Variants in TECRL observed in about 807,000 individuals in gnomAD.
TECRL encodes the protein trans-2,3-enoyl-CoA reductase like.
A neutral mutation model predicts 52.8 loss-of-function variants in TECRL; 63 were observed. That is an observed-to-expected ratio of 1.19 (90% CI 0.97 to 1.47). TECRL has a LOEUF of 1.47. TECRL is among the 40% of genes most tolerant of loss of function. The pLI is 0.00. For missense variants in TECRL, 482 were observed against 429.6 expected, an observed-to-expected ratio of 1.12 and a Z score of -1.08; for synonymous variants, 164 against 141.9, an observed-to-expected ratio of 1.16 and a Z score of -1.10.
At chr4:64,382,808 T>G (rs1195149509) in intron 1 of TECRL, among the ~76,000 whole-genome samples, 1 of 152,126 alleles carries the variant, frequency 6.6e-6, no homozygotes, top group Non-Finnish European at 1.5e-5. Context: ...TTACTATCAT[T>G]GCAGTTTGGT....
chr4:64,322,552 T>A (rs1356308928), intron 4 of TECRL, 137 bp downstream of exon 4: 1 of 478,130 alleles, frequency 2.1e-6, no homozygotes, highest in Non-Finnish European at 3.4e-6. Flanking sequence ...CCACTCGTCA[T>A]AGTAAGAATA....
chr4:64,345,907 CAAAAAAAAA>C (rs777171822), intron 2 of TECRL, among the ~76,000 whole-genome samples: 617 of 23,364 alleles, frequency 0.026, 67 homozygotes, highest in African/African-American at 0.1. Context: ...GCCTCAACAG[CAAAAAAAAA>C]AAAAAAAAAA....
At chr4:64,368,249 G>A (rs1226879976) in intron 2 of TECRL, among the ~76,000 whole-genome samples, 1 of 151,308 alleles carries the variant, frequency 6.6e-6, no homozygotes, top group African/African-American at 2.4e-5. Flanking sequence ...CATCTAAAAT[G>A]TTGACAAGGC....
At chr4:64,406,157 C>CGT (rs371862561) in intron 1 of TECRL, among the ~76,000 whole-genome samples, 64,440 of 143,950 alleles carry the variant, frequency 0.45, 15,231 homozygotes, top group Non-Finnish European at 0.56. Context: ...GGCGCGCGCG[C>CGT]GCGCGCGCGT....
intron 5 of TECRL, among the ~76,000 whole-genome samples, chr4:64,312,600 AT>A (rs1038614028): frequency 9.9e-5 from 15 of 151,454 alleles, no homozygotes; most frequent in Middle Eastern, 3.4e-3. Context: ...CATCTCTAAA[AT>A]TTTTTTTTAA....
chr4:64,305,598 A>G (rs1354721171), intron 6 of TECRL, among the ~76,000 whole-genome samples: 9 of 152,158 alleles, frequency 5.9e-5, no homozygotes, highest in African/African-American at 2.2e-4. Flanking sequence ...GTTTGCTCAA[A>G]AGGGACTTTC....
intron 1 of TECRL, among the ~76,000 whole-genome samples, chr4:64,388,305 G>T (rs1308654278): frequency 1.5e-5 from 2 of 133,654 alleles, no homozygotes; most frequent in African/African-American, 2.7e-5. Flanking sequence ...TGTTGCCTTT[G>T]TTCCTTTGTC....
intron 7 of TECRL, among the ~76,000 whole-genome samples, chr4:64,300,999 T>G (rs1723987453): frequency 1.3e-5 from 2 of 150,960 alleles, no homozygotes; most frequent in African/African-American, 4.8e-5. Context: ...GAGCTAGAAA[T>G]TTAAAAGCAT....
At chr4:64,315,971 G>A (rs1405854019) in intron 4 of TECRL, among the ~76,000 whole-genome samples, 1 of 146,520 alleles carries the variant, frequency 6.8e-6, no homozygotes, top group African/African-American at 2.5e-5. Flanking sequence ...TTGAGAGACT[G>A]TAGTAATTTA....
At chr4:64,393,295 A>G (rs1022235745) in intron 1 of TECRL, among the ~76,000 whole-genome samples, 5 of 152,186 alleles carry the variant, frequency 3.3e-5, no homozygotes, top group Middle Eastern at 3.4e-3. Context: ...TTTGCAAAAC[A>G]CATCATGTGA....
chr4:64,409,271 C>T lies in TECRL; in HGVS notation c.81G>A (p.Lys27=), dbSNP rs774800128. ...AAAAGTGAAAATTTCTCATATCATC[C>T]TTCAGTATGAACCGTGTAGCTCTTT... ...LSQRATRFIL[K]DDMRNFHFLS... Residue 27 remains lysine, a synonymous_variant, in exon 1 of 12, where the codon AAG becomes AAA. Coordinates refer to ENST00000381210, the MANE Select transcript of TECRL (RefSeq NM_001010874.5). The T allele has an allele frequency of 1.3e-5, 21 of 1,613,674 alleles. No individual in the cohort carries two copies. The highest frequency in any genetic ancestry group is 1.8e-5 in the Non-Finnish European group (21 of 1,179,760).
intron 8 of TECRL, among the ~76,000 whole-genome samples, chr4:64,293,871 A>C (rs920166931): frequency 1.3e-5 from 2 of 151,690 alleles, no homozygotes; most frequent in Admixed American, 6.6e-5. Context: ...ATATTTTCAT[A>C]AGAATGAAAA....
At chr4:64,390,648 A>C (rs947768979) in intron 1 of TECRL, among the ~76,000 whole-genome samples, 2 of 151,800 alleles carry the variant, frequency 1.3e-5, no homozygotes, top group Non-Finnish European at 3.0e-5. Context: ...GCTTACTTTA[A>C]ACTGAGCAGT....
At chr4:64,362,820 G>A (rs1216653756) in intron 2 of TECRL, among the ~76,000 whole-genome samples, 2 of 151,984 alleles carry the variant, frequency 1.3e-5, no homozygotes, top group African/African-American at 4.8e-5. Context: ...TTAACAACAT[G>A]AAGACAGGAT....
intron 1 of TECRL, among the ~76,000 whole-genome samples, chr4:64,384,527 A>G (rs964054595): frequency 1.3e-5 from 2 of 152,072 alleles, no homozygotes; most frequent in Admixed American, 1.3e-4. Flanking sequence ...AGCACTAGAC[A>G]ATGTGTGCAG....
At chr4:64,365,217 A>AAC (rs1000412938) in intron 2 of TECRL, among the ~76,000 whole-genome samples, 1 of 151,562 alleles carries the variant, frequency 6.6e-6, no homozygotes, top group Non-Finnish European at 1.5e-5. Context: ...TTAAAAAAAA[A>AAC]AAAGCTATAC....
intron 2 of TECRL, among the ~76,000 whole-genome samples, chr4:64,363,599 G>A: frequency 6.6e-6 from 1 of 152,126 alleles, no homozygotes; most frequent in Non-Finnish European, 1.5e-5. Flanking sequence ...CTTTTTAAAA[G>A]AGGAGAACAA....
chr4:64,407,944 A>C (rs1724836770), intron 1 of TECRL, among the ~76,000 whole-genome samples: 1 of 151,730 alleles, frequency 6.6e-6, no homozygotes, highest in African/African-American at 2.4e-5. Flanking sequence ...TGTATGATAT[A>C]TACTCATCGC....
intron 2 of TECRL, among the ~76,000 whole-genome samples, chr4:64,341,651 G>A (rs1719577984): frequency 6.6e-6 from 1 of 152,156 alleles, no homozygotes; most frequent in Admixed American, 6.5e-5. Flanking sequence ...CCACGTTGCA[G>A]GTGAAGAGAA....
Sources: allele counts gnomAD v4.1 joint callset (sites outside exome capture counted in the v4.1 genomes callset), GRCh38; gene constraint gnomAD v4.1.1; transcripts MANE v1.5; gene names NCBI Gene and HGNC (gene_info 2026-07-23, HGNC 2026-07-21).